Variants in NAT10 observed in about 807,000 individuals in gnomAD.
NAT10 encodes N-acetyltransferase 10.
Under a neutral mutation model 132.2 loss-of-function variants are expected in NAT10, and 109 were observed. The observed-to-expected ratio is 0.82, with a 90% CI of 0.71 to 0.97. The LOEUF is 0.97. NAT10 is among the 50% of genes least tolerant of loss of function. The pLI is 0.00. For missense variants in NAT10, 1,184 were observed against 1,263.4 expected (o/e 0.94, Z 0.95); for synonymous variants, 479 against 478.0 (o/e 1.00, Z -0.03).
At chr11:34,129,584 TTTCTTC>T (rs1426582322) in intron 12 of NAT10, among the ~76,000 whole-genome samples, 1 of 146,750 alleles carries the variant, frequency 6.8e-6, no homozygotes, top group African/African-American at 2.6e-5. Flanking sequence ...GTTTTTTCAC[TTTCTTC>T]TTCTTCTTCT....
chr11:34,127,648 G>T (rs776029742), intron 12 of NAT10, 49 bp downstream of exon 12: 1 of 1,571,302 alleles, frequency 6.4e-7, no homozygotes. Context: ...GGCTCTTGCA[G>T]ATTTAGGGGC....
Position 34,146,252 on chromosome 11 carries a change from C to A in NAT10, c.*60C>A. ...GGAAGATACTCTCACTAACTGAACC[C>A]TCTCTGGCTGGACTGTTAAAAGCAA... On this transcript the variant is annotated 3_prime_UTR_variant, in exon 29 of 29. Transcript: ENST00000257829. The A allele has an allele frequency of 7.8e-7, 1 of 1,288,932 alleles. No individual in the cohort carries two copies. The highest frequency in any genetic ancestry group is 1.1e-6 in the Non-Finnish European group (1 of 931,270). 79.8% of individuals were successfully genotyped at this position (1,288,932 alleles called of 1,614,324 possible).
intron 16 of NAT10, among the ~76,000 whole-genome samples, chr11:34,133,770 C>G (rs1011554408): frequency 2.0e-5 from 3 of 152,160 alleles, no homozygotes; most frequent in African/African-American, 7.2e-5. Flanking sequence ...TAGAGACTCT[C>G]TTCTAATGTG....
Position 34,115,819 on chromosome 11 carries a change from T to C in NAT10, c.496-4T>C, listed in dbSNP as rs997415223. 8 of 1,613,950 alleles carry C rather than the reference T, an allele frequency of 5.0e-6. No individual in the cohort carries two copies. The highest frequency in any genetic ancestry group is 5.9e-6 in the Non-Finnish European group (7 of 1,179,922). On this transcript the variant is annotated splice_polypyrimidine_tract_variant and splice_region_variant and intron_variant, in intron 5 of 28. Coordinates refer to ENST00000257829, the MANE Select transcript of NAT10 (RefSeq NM_024662.3). ...TGTTAATGGATGTTGTCTTTCTTTG[T>C]TAGGATGTGCATTCCAGGTACAGAA...
At position 34,142,019 on chromosome 11, in the gene NAT10, T is replaced by G. The variant is rs74467611; in HGVS notation, c.2811+202T>G. On this transcript the variant is annotated intron_variant, in intron 26 of 28. Coordinates refer to ENST00000257829, the MANE Select transcript of NAT10 (RefSeq NM_024662.3). ...GCCTAGAGTTGTGCCTCCCACTGATTGTGTGTGTGTGTTGTGAATGTAGGA... is the reference window on the plus strand; with the variant it reads ...GCCTAGAGTTGTGCCTCCCACTGATGGTGTGTGTGTGTTGTGAATGTAGGA... The G allele has an allele frequency of 5.7e-3, 3,015 of 532,944 alleles. 50 individuals carry two copies. The highest frequency in any genetic ancestry group is 0.051 in the African/African-American group (2,666 of 52,132). 33.0% of individuals were successfully genotyped at this position (532,944 alleles called of 1,614,324 possible).
intron 19 of NAT10, among the ~76,000 whole-genome samples, chr11:34,135,979 G>C (rs1852204078): frequency 6.6e-6 from 1 of 151,824 alleles, no homozygotes; most frequent in South Asian, 2.1e-4. Flanking sequence ...GAAAAAAAAA[G>C]TTCAAGCTCA....
chr11:34,138,899 C>A lies in NAT10; in HGVS notation c.2212-292C>A, dbSNP rs191177372. 5.8e-4 allele frequency: 214 copies of A among 366,782 alleles called. 3 individuals carry two copies. The East Asian group carries it at 0.01, about 18-fold the overall frequency. The allele number at this position is 366,782 out of a possible 1,614,324, so 22.7% of individuals were successfully genotyped here. A position where few individuals can be genotyped will look rare whatever the true frequency, so the allele number is the denominator to read the frequency against. ...GAGGAGCACATATTTCCCTCCCGCA[C>A]GTCCCGAGCAAGAGGCAGGCCCAGA... On this transcript the variant is annotated intron_variant, in intron 21 of 28. Transcript: ENST00000257829.
In NAT10 at chr11:34,136,687, C is replaced by A; in HGVS notation, c.2074C>A (p.Pro692Thr). ...GGTCATCACTCCCCGGAAGGACCTG[C>A]CTCCTTTACTCCTCAAATTGAATGA... ...EEVITPRKDL[P>T]PLLLKLNERP... Residue 692 changes from proline (P) to threonine (T), a missense_variant, in exon 20 of 29, where the codon CCT becomes ACT. Coordinates refer to ENST00000257829, the MANE Select transcript of NAT10 (RefSeq NM_024662.3). 1 of 1,614,142 alleles carries A rather than the reference C, an allele frequency of 6.2e-7. No individual in the cohort carries two copies.
intron 25 of NAT10, among the ~76,000 whole-genome samples, chr11:34,141,412 A>T (rs879475248): frequency 0.31 from 24,769 of 79,322 alleles, 2,291 homozygotes; most frequent in Admixed American, 0.36. Context: ...CACACATCAC[A>T]CACACACACA....
chr11:34,117,973 G>GT, intron 6 of NAT10, among the ~76,000 whole-genome samples: 1 of 152,166 alleles, frequency 6.6e-6, no homozygotes. Context: ...TGAGTCCTTG[G>GT]TTTTCTGATT....
At chr11:34,120,774 C>T (rs1213044616) in intron 8 of NAT10, among the ~76,000 whole-genome samples, 1 of 152,116 alleles carries the variant, frequency 6.6e-6, no homozygotes, top group African/African-American at 2.4e-5. Context: ...ATGCTACGTA[C>T]AATGGGAAGA....
At chr11:34,125,409 ACT>A (rs1851969660) in intron 11 of NAT10, among the ~76,000 whole-genome samples, 1 of 152,094 alleles carries the variant, frequency 6.6e-6, no homozygotes, top group South Asian at 2.1e-4. Flanking sequence ...GTAATCAAAT[ACT>A]CTCTCATATT....
intron 8 of NAT10, among the ~76,000 whole-genome samples, chr11:34,120,680 A>C (rs1326033190): frequency 6.6e-6 from 1 of 152,228 alleles, no homozygotes. Context: ...AGAGGGATGC[A>C]CCTGCTTCAT....
chr11:34,121,028 A>G (rs1428962656), intron 8 of NAT10, among the ~76,000 whole-genome samples: 1 of 152,116 alleles, frequency 6.6e-6, no homozygotes, highest in African/African-American at 2.4e-5. Flanking sequence ...AGGGAGGCTG[A>G]GGGGCTGAAG....
At chr11:34,131,033 A>C in intron 13 of NAT10, 96 bp downstream of exon 13, 1 of 1,514,274 alleles carries the variant, frequency 6.6e-7, no homozygotes, top group Non-Finnish European at 9.0e-7. Flanking sequence ...GAAGCACCAA[A>C]CCTTCCCACC....
chr11:34,111,164 A>G (rs931668447), intron 3 of NAT10, among the ~76,000 whole-genome samples: 4 of 152,198 alleles, frequency 2.6e-5, no homozygotes, highest in Non-Finnish European at 4.4e-5. Context: ...TCACTTCTAA[A>G]AATCTACTTT....
At chr11:34,136,229 A>C (rs1351030928) in intron 19 of NAT10, among the ~76,000 whole-genome samples, 1 of 151,874 alleles carries the variant, frequency 6.6e-6, no homozygotes, top group East Asian at 1.9e-4. Context: ...CTACAAGCAC[A>C]CACCACCGTG....
intron 5 of NAT10, among the ~76,000 whole-genome samples, chr11:34,114,100 A>G (rs950251054): frequency 6.6e-6 from 1 of 152,240 alleles, no homozygotes; most frequent in Non-Finnish European, 1.5e-5. Context: ...CAGATATGAT[A>G]CAGCTTTTAT....
intron 5 of NAT10, among the ~76,000 whole-genome samples, chr11:34,115,425 A>G (rs1162526446): frequency 6.6e-6 from 1 of 152,150 alleles, no homozygotes; most frequent in East Asian, 1.9e-4. Context: ...CGTGCAGTCT[A>G]TATTTCATAT....
Sources: allele counts gnomAD v4.1 joint callset (sites outside exome capture counted in the v4.1 genomes callset), GRCh38; gene constraint gnomAD v4.1.1; transcripts MANE v1.5; gene names NCBI Gene and HGNC (gene_info 2026-07-23, HGNC 2026-07-21).